Variants in DENND5B observed in about 807,000 individuals in gnomAD.
The protein encoded by DENND5B is DENN domain-containing protein 5B.
Under a neutral mutation model 140.6 loss-of-function variants are expected in DENND5B, and 34 were observed. The observed-to-expected ratio is 0.24, with a 90% CI of 0.18 to 0.32. DENND5B has a LOEUF of 0.32. Ranked by LOEUF, DENND5B falls within the 10% of genes least tolerant of loss-of-function variation. The pLI is 1.00. For synonymous variants in DENND5B, 551 were observed against 562.1 expected (o/e 0.98, Z 0.28); for missense variants, 1,142 against 1,560.2 (o/e 0.73, Z 4.52).
intron 11 of DENND5B, among the ~76,000 whole-genome samples, chr12:31,416,721 G>T (rs546137255): frequency 6.4e-4 from 98 of 152,072 alleles, no homozygotes; most frequent in Admixed American, 1.9e-3. Flanking sequence ...TCTAAGCTGT[G>T]TACGGTGGCT....
Position 31,399,809 on chromosome 12 carries a change from T to C in DENND5B, c.2950-37A>G, listed in dbSNP as rs770515527. ...GGACCTTAGGTTATTTAGTACCCAA[T>C]CCCATCCTGTTACATCTCAGCTTTA... On this transcript the variant is annotated intron_variant, in intron 15 of 20. Transcript: ENST00000389082. 29 of 1,521,216 alleles carry C rather than the reference T, an allele frequency of 1.9e-5. No homozygotes were observed. In the South Asian group the frequency reaches 3.4e-4, roughly 18 times the overall value. The allele number at this position is 1,521,216 out of a possible 1,614,324, so 94.2% of individuals were successfully genotyped here.
chr12:31,425,255 T>C (rs987025395), intron 9 of DENND5B, among the ~76,000 whole-genome samples: 1 of 152,194 alleles, frequency 6.6e-6, no homozygotes, highest in African/African-American at 2.4e-5. Flanking sequence ...GAGGTTGCAG[T>C]GAGCTGAGAT....
chr12:31,413,294 C>T lies in DENND5B; in HGVS notation c.2681+142G>A, dbSNP rs781146373. On this transcript the variant is annotated intron_variant, in intron 13 of 20. Coordinates refer to ENST00000389082, the MANE Select transcript of DENND5B (RefSeq NM_144973.4). The stretch of plus-strand genomic sequence containing the variant: ...TATTACATCAAAACAGTTTTCAAAG[C>T]ACACGCCTGTTAGATAAAGAAGAAT... 174 of 1,051,204 alleles carry T rather than the reference C, an allele frequency of 1.7e-4. 3 individuals carry two copies. Among genetic ancestry groups the T allele is most frequent in the South Asian group, 8.8e-4 (39 of 44,362 alleles). 65.1% of individuals were successfully genotyped at this position (1,051,204 alleles called of 1,614,324 possible).
chr12:31,394,114 C>T (rs1941305295), intron 17 of DENND5B, among the ~76,000 whole-genome samples: 1 of 152,078 alleles, frequency 6.6e-6, no homozygotes, highest in Non-Finnish European at 1.5e-5. Flanking sequence ...GGTTTCTTTA[C>T]CCAGTAGTTT....
intron 1 of DENND5B, among the ~76,000 whole-genome samples, chr12:31,584,585 T>TG (rs1334103814): frequency 2.0e-5 from 3 of 152,036 alleles, no homozygotes; most frequent in Admixed American, 6.6e-5. Flanking sequence ...AGGCCAAGGA[T>TG]GGGTGGACTG....
At position 31,392,286 on chromosome 12, in the gene DENND5B, G is replaced by A. The variant is rs191224115; in HGVS notation, c.3447C>T (p.Val1149=). 8.2e-5 allele frequency: 133 copies of A among 1,613,818 alleles called. No homozygotes were observed. The Middle Eastern group carries it at 8.2e-4, about 10-fold the overall frequency. Residue 1149 remains valine, a synonymous_variant, in exon 19 of 21, where the codon GTC becomes GTT. Transcript: ENST00000389082. Reference sequence around the variant, plus strand: ...ATTTACCTATGAAGTCCCAGATGAAGACATTCTTGTGAAAGATGCGGGCAG... The same window carrying A: ...ATTTACCTATGAAGTCCCAGATGAAAACATTCTTGTGAAAGATGCGGGCAG... The part of the protein sequence containing the change: ...FKSARIFHKN[V]FIWDFIEKVV...
chr12:31,494,809 C>A (rs1182556873), intron 2 of DENND5B, among the ~76,000 whole-genome samples: 1 of 152,140 alleles, frequency 6.6e-6, no homozygotes, highest in Non-Finnish European at 1.5e-5. Context: ...CACTAAGTAA[C>A]CAATGGAAAA....
chr12:31,493,500 C>T (rs1315359906), intron 2 of DENND5B, among the ~76,000 whole-genome samples: 1 of 151,944 alleles, frequency 6.6e-6, no homozygotes, highest in Non-Finnish European at 1.5e-5. Flanking sequence ...ACAAGACCAG[C>T]CTGGCCAACA....
intron 17 of DENND5B, among the ~76,000 whole-genome samples, chr12:31,394,822 C>T (rs1941346792): frequency 1.3e-5 from 2 of 152,032 alleles, no homozygotes; most frequent in Non-Finnish European, 2.9e-5. Flanking sequence ...ACCATGTTAG[C>T]CAGGATGGTC....
intron 1 of DENND5B, among the ~76,000 whole-genome samples, chr12:31,582,350 C>G (rs771856297): frequency 5.3e-4 from 81 of 152,330 alleles, no homozygotes; most frequent in Non-Finnish European, 9.8e-4. Context: ...ATCTCAGCTT[C>G]TGACTGTGCA....
chr12:31,497,405 T>A (rs947473534), intron 1 of DENND5B, among the ~76,000 whole-genome samples: 2 of 152,090 alleles, frequency 1.3e-5, no homozygotes, highest in Non-Finnish European at 2.9e-5. Context: ...AGAAGAGAAA[T>A]TGTCAGACAT....
chr12:31,427,021 GC>G (rs899907718), intron 8 of DENND5B, among the ~76,000 whole-genome samples: 4 of 152,076 alleles, frequency 2.6e-5, no homozygotes, highest in Admixed American at 6.6e-5. Flanking sequence ...CATAAAACAT[GC>G]CCCCCTACCT....
At chr12:31,441,313 C>A (rs1271636785) in intron 7 of DENND5B, among the ~76,000 whole-genome samples, 1 of 152,074 alleles carries the variant, frequency 6.6e-6, no homozygotes, top group East Asian at 1.9e-4. Context: ...CCACAGCACT[C>A]CAGCCTGGGC....
intron 1 of DENND5B, among the ~76,000 whole-genome samples, chr12:31,554,460 T>A (rs1190084285): frequency 6.6e-6 from 1 of 152,146 alleles, no homozygotes; most frequent in Non-Finnish European, 1.5e-5. Context: ...CTTCCCTTTG[T>A]GGGTAACCCG....
chr12:31,546,746 C>T (rs947488270), intron 1 of DENND5B, among the ~76,000 whole-genome samples: 1 of 152,036 alleles, frequency 6.6e-6, no homozygotes, highest in Admixed American at 6.6e-5. Flanking sequence ...CATTATAACC[C>T]CACATCTAAA....
At chr12:31,428,020 T>C (rs1291316241) in intron 8 of DENND5B, among the ~76,000 whole-genome samples, 2 of 152,192 alleles carry the variant, frequency 1.3e-5, no homozygotes, top group Non-Finnish European at 2.9e-5. Flanking sequence ...TCCCAACCTT[T>C]GTGACGAAAG....
intron 11 of DENND5B, among the ~76,000 whole-genome samples, chr12:31,422,756 T>G (rs969087079): frequency 2.0e-5 from 3 of 152,138 alleles, no homozygotes; most frequent in African/African-American, 7.2e-5. Flanking sequence ...AAAGCATGTG[T>G]TGTTGTGAAA....
At chr12:31,572,986 T>G (rs1949877019) in intron 1 of DENND5B, among the ~76,000 whole-genome samples, 1 of 152,210 alleles carries the variant, frequency 6.6e-6, no homozygotes, top group Non-Finnish European at 1.5e-5. Flanking sequence ...TTCTCTTTAA[T>G]TCTAAGAGCA....
chr12:31,576,141 CA>C (rs71445806), intron 1 of DENND5B, among the ~76,000 whole-genome samples: 29 of 24,600 alleles, frequency 1.2e-3, no homozygotes, highest in East Asian at 1.3e-3. Flanking sequence ...GCTCTGTCTC[CA>C]AAAAAAAAAA....
Sources: gnomAD v4.1 joint callset for allele counts (sites outside exome capture counted in the v4.1 genomes callset) on GRCh38, gnomAD v4.1.1 for gene constraint, MANE v1.5 for transcripts, NCBI Gene and HGNC (gene_info 2026-07-23, HGNC 2026-07-21) for gene names.